MALRD1: variants seen among roughly 807,000 people sequenced by gnomAD.
MALRD1 encodes the protein MAM and LDL-receptor class A domain-containing protein 1.
Under a neutral mutation model 242.1 loss-of-function variants are expected in MALRD1, and 247 were observed. The ratio of observed to expected loss-of-function variants is 1.02; its 90% CI spans 0.92 to 1.13. The LOEUF is 1.13. Ranked by LOEUF, MALRD1 falls within the 50% of genes most tolerant of loss-of-function variation. The pLI is 0.00. For synonymous variants in MALRD1, 995 were observed against 866.6 expected, an observed-to-expected ratio of 1.15 and a Z score of -2.60; for missense variants, 2,989 against 2,533.1, an observed-to-expected ratio of 1.18 and a Z score of -3.86.
intron 32 of MALRD1, among the ~76,000 whole-genome samples, chr10:19,534,005 G>A (rs1034780893): frequency 2.0e-5 from 3 of 152,144 alleles, no homozygotes; most frequent in Admixed American, 2.0e-4. Context: ...GCTGTTGGTA[G>A]CCATCTTTCC....
rs188719143 is a variant in MALRD1, at chr10:19,544,276, C to T, written c.5478+12925C>T. On this transcript the variant is annotated intron_variant, in intron 32 of 39. Transcript: ENST00000454679. Reference sequence around the variant, plus strand: ...GTGATCTTGGCACTGCAACTTCTGCCTCCTGGGCTCAGGCGATTCTCCTGC... The same window carrying T: ...GTGATCTTGGCACTGCAACTTCTGCTTCCTGGGCTCAGGCGATTCTCCTGC... 5.8e-4 allele frequency among the ~76,000 whole-genome samples: 88 copies of T among 152,164 alleles called. No homozygotes were observed. In the East Asian group the frequency reaches 0.015, roughly 25 times the overall value.
intron 1 of MALRD1, among the ~76,000 whole-genome samples, chr10:19,063,875 A>G (rs1453833049): frequency 1.3e-5 from 2 of 152,124 alleles, no homozygotes; most frequent in Admixed American, 6.6e-5. Flanking sequence ...GCACACCAGC[A>G]TGGCACATGT....
intron 10 of MALRD1, among the ~76,000 whole-genome samples, chr10:19,143,221 T>A (rs984272892): frequency 6.6e-6 from 1 of 152,234 alleles, no homozygotes; most frequent in African/African-American, 2.4e-5. Context: ...ATTTCAACAT[T>A]TATACAATCA....
intron 28 of MALRD1, among the ~76,000 whole-genome samples, chr10:19,401,690 C>A (rs1299399243): frequency 6.6e-6 from 1 of 151,708 alleles, no homozygotes; most frequent in East Asian, 1.9e-4. Flanking sequence ...TAATTTAATT[C>A]TCGTGGCTCA....
intron 18 of MALRD1, among the ~76,000 whole-genome samples, chr10:19,229,804 T>C (rs765835267): frequency 6.6e-6 from 1 of 152,172 alleles, no homozygotes; most frequent in African/African-American, 2.4e-5. Flanking sequence ...CCAGAGTTTT[T>C]TGATGTATTC....
At chr10:19,461,744 C>T (rs185040019) in intron 29 of MALRD1, among the ~76,000 whole-genome samples, 26 of 152,054 alleles carry the variant, frequency 1.7e-4, no homozygotes, top group Admixed American at 8.5e-4. Flanking sequence ...CTTAGAAAGC[C>T]GAGGCAAGAA....
intron 38 of MALRD1, among the ~76,000 whole-genome samples, chr10:19,707,658 T>C (rs1302143049): frequency 6.6e-6 from 1 of 151,114 alleles, no homozygotes; most frequent in East Asian, 2.0e-4. Flanking sequence ...TTAAAAATAT[T>C]TCCATTATGA....
At chr10:19,172,407 TTAAC>T (rs761890244) in intron 13 of MALRD1, among the ~76,000 whole-genome samples, 81 of 151,854 alleles carry the variant, frequency 5.3e-4, no homozygotes, top group South Asian at 1.3e-3. Flanking sequence ...AATTATGAAT[TTAAC>T]TATGTAGAAG....
chr10:19,065,129 A>T (rs540135480), intron 1 of MALRD1, among the ~76,000 whole-genome samples: 1 of 151,582 alleles, frequency 6.6e-6, no homozygotes, highest in African/African-American at 2.4e-5. Context: ...CTCTACTAAA[A>T]ATACAAAATT....
At chr10:19,705,237 C>T (rs372346122) in intron 38 of MALRD1, among the ~76,000 whole-genome samples, 11 of 152,282 alleles carry the variant, frequency 7.2e-5, no homozygotes, top group African/African-American at 2.4e-4. Context: ...CTGCGCCCAC[C>T]GATGAATATT....
At chr10:19,356,264 C>T (rs1002358990) in intron 26 of MALRD1, among the ~76,000 whole-genome samples, 2 of 151,962 alleles carry the variant, frequency 1.3e-5, no homozygotes, top group African/African-American at 4.8e-5. Flanking sequence ...TATCTAACAT[C>T]TGTCTGTATC....
chr10:19,210,267 A>G (rs889191964), intron 18 of MALRD1, among the ~76,000 whole-genome samples: 1 of 152,176 alleles, frequency 6.6e-6, no homozygotes, highest in Non-Finnish European at 1.5e-5. Context: ...GGAATTTTAT[A>G]TATTATCTAT....
chr10:19,243,406 A>C (rs1393282444), intron 18 of MALRD1, among the ~76,000 whole-genome samples: 2 of 152,168 alleles, frequency 1.3e-5, no homozygotes, highest in Non-Finnish European at 2.9e-5. Flanking sequence ...TTCATTAAAA[A>C]GTCTTTATCA....
At chr10:19,444,212 A>G (rs2486059) in intron 28 of MALRD1, among the ~76,000 whole-genome samples, 107,080 of 151,964 alleles carry the variant, frequency 0.7, 37,816 homozygotes, top group Non-Finnish European at 0.74. Flanking sequence ...CTCTGCACAT[A>G]AGATGGGTCT....
chr10:19,585,345 A>T (rs1232335026), intron 33 of MALRD1, among the ~76,000 whole-genome samples: 2 of 151,262 alleles, frequency 1.3e-5, no homozygotes, highest in Admixed American at 6.6e-5. Flanking sequence ...TTTTGGCATG[A>T]TTTTGCAGTG....
chr10:19,284,660 A>T (rs1841019525), intron 21 of MALRD1, among the ~76,000 whole-genome samples: 1 of 139,702 alleles, frequency 7.2e-6, no homozygotes, highest in Non-Finnish European at 1.5e-5. Flanking sequence ...ATTGTTGGAC[A>T]TTTGGGTTGG....
In MALRD1 at chr10:19,352,004, A is replaced by G; in HGVS notation, c.4150-2A>G. ...ATGTAATATTCCTATTCTTGATTAC[A>G]GATTATTTTTCATTATCACATGTAT... On this transcript the variant is annotated splice_acceptor_variant, in intron 25 of 39. Coordinates refer to ENST00000454679, the MANE Select transcript of MALRD1 (RefSeq NM_001142308.3). LOFTEE classifies it high-confidence loss of function. 7 of 1,541,532 alleles carry G rather than the reference A, an allele frequency of 4.5e-6. No homozygotes were observed. The highest frequency in any genetic ancestry group is 6.1e-6 in the Non-Finnish European group (7 of 1,139,260).
At chr10:19,698,461 C>A (rs900550836) in intron 38 of MALRD1, among the ~76,000 whole-genome samples, 1 of 152,154 alleles carries the variant, frequency 6.6e-6, no homozygotes, top group Non-Finnish European at 1.5e-5. Context: ...TGAACCATCT[C>A]TTTCCTCTTC....
chr10:19,142,665 G>A (rs1833592705), intron 10 of MALRD1, among the ~76,000 whole-genome samples: 2 of 152,072 alleles, frequency 1.3e-5, no homozygotes, highest in Admixed American at 1.3e-4. Context: ...TAAAATAAAG[G>A]CAACTAAGTA....
Sources: gnomAD v4.1 joint callset for allele counts (sites outside exome capture counted in the v4.1 genomes callset) on GRCh38, gnomAD v4.1.1 for gene constraint, MANE v1.5 for transcripts, NCBI Gene and HGNC (gene_info 2026-07-23, HGNC 2026-07-21) for gene names.